Variants in CD84 observed in about 807,000 individuals in gnomAD.
CD84 encodes SLAM family member 5.
CD84 carries 22 observed loss-of-function variants against 33.8 expected under a neutral mutation model. That is an observed-to-expected ratio of 0.65 (90% CI 0.46 to 0.93). The LOEUF (loss-of-function observed/expected upper bound fraction) is 0.93. CD84 is among the 40% of genes least tolerant of loss of function. The probability of loss-of-function intolerance (pLI) is 0.00; values close to 1 mark genes in which losing one functional copy is unlikely to be tolerated. For missense variants in CD84, 400 were observed against 397.6 expected (o/e 1.01, Z -0.05); for synonymous variants, 154 against 145.2 (o/e 1.06, Z -0.44).
intron 2 of CD84, among the ~76,000 whole-genome samples, 193 bp downstream of exon 2, chr1:160,565,211 A>T (rs932017308): frequency 2.0e-5 from 3 of 152,162 alleles, no homozygotes; most frequent in African/African-American, 7.2e-5. Flanking sequence ...GAAGAATTAC[A>T]TAGCTAAAAA....
In CD84 at chr1:160,547,076, A is replaced by C; in HGVS notation, c.*1180T>G. ...TGAATGTCTTGCTCAGTTGTGAATG[A>C]TTCTTCCTCATTGAGGAGAGTTAAT... On this transcript the variant is annotated 3_prime_UTR_variant, in exon 7 of 7. Transcript: ENST00000368054. 1 of 398,846 alleles carries C rather than the reference A, an allele frequency of 2.5e-6. No individual in the cohort carries two copies. The highest frequency in any genetic ancestry group is 4.4e-6 in the Non-Finnish European group (1 of 226,050). The allele number at this position is 398,846 out of a possible 1,614,324, so 24.7% of individuals were successfully genotyped here.
intron 3 of CD84, 27 bp downstream of exon 3, chr1:160,553,868 C>T (rs1656413860): frequency 6.2e-7 from 1 of 1,613,978 alleles, no homozygotes; most frequent in Admixed American, 1.7e-5. Context: ...CTGAGACTCA[C>T]CAGGAGAGAT....
rs777046792 is a variant in CD84, at chr1:160,543,873, G to A, written c.*4383C>T. 6.6e-6 allele frequency: 1 copy of A among 152,032 alleles called. No homozygotes were observed. Among genetic ancestry groups the A allele is most frequent in the Non-Finnish European group, 1.5e-5 (1 of 68,014 alleles). 9.4% of individuals were successfully genotyped at this position (152,032 alleles called of 1,614,324 possible). On this transcript the variant is annotated 3_prime_UTR_variant, in exon 7 of 7. Transcript: ENST00000368054. ...GCATCTTCTGAAGATTTCAGGCCTA[G>A]AACAGCTTATAAAAAATTTCCCGAA...
chr1:160,565,871 C>CT lies in CD84; in HGVS notation c.47-127_47-126insA, dbSNP rs1557980535. 14 of 708,086 alleles carry CT rather than the reference C, an allele frequency of 2.0e-5. No individual in the cohort carries two copies. The African/African-American group carries it at 2.5e-4, about 12-fold the overall frequency. The allele number at this position is 708,086 out of a possible 1,614,324, so 43.9% of individuals were successfully genotyped here. On this transcript the variant is annotated intron_variant, in intron 1 of 6. Coordinates refer to ENST00000368054, the MANE Select transcript of CD84 (RefSeq NM_003874.4). ...CAGTTCACCCAGTTTCTTGAGGATG[C>CT]CTTTTTTTTTTTTTGGCATTCTACT...
intron 2 of CD84, among the ~76,000 whole-genome samples, chr1:160,558,049 C>T (rs979980034): frequency 1.3e-5 from 2 of 152,236 alleles, no homozygotes; most frequent in Non-Finnish European, 2.9e-5. Flanking sequence ...TCAGCTGTTC[C>T]AGCCTGCTGG....
Position 160,565,603 on chromosome 1 carries a change from T to A in CD84, c.189A>T (p.Val63=), listed in dbSNP as rs896760201. 3.7e-6 allele frequency: 6 copies of A among 1,613,898 alleles called. No homozygotes were observed. In the African/African-American group the frequency reaches 8.0e-5, roughly 22 times the overall value. Residue 63 remains valine (V), a synonymous_variant, in exon 2 of 7, where the codon GTA becomes GTT. Transcript: ENST00000368054. ...AWTSKTSVAY[V]TPGDSETAPV... ...GTGCTGTTTCTGAGTCTCCTGGTGT[T>A]ACATAAGCAACAGATGTTTTAGAAG...
chr1:160,576,715 C>G (rs964397099), intron 1 of CD84, among the ~76,000 whole-genome samples: 1 of 152,116 alleles, frequency 6.6e-6, no homozygotes, highest in African/African-American at 2.4e-5. Flanking sequence ...GGTTAAGTGG[C>G]CTTTGACTCT....
At chr1:160,553,181 G>T in intron 4 of CD84, 197 bp downstream of exon 4, 2 of 862,316 alleles carry the variant, frequency 2.3e-6, no homozygotes, top group Non-Finnish European at 1.9e-6. Context: ...GTGATCTCAG[G>T]AATGGATTCT....
At chr1:160,558,988 G>A (rs755635749) in intron 2 of CD84, among the ~76,000 whole-genome samples, 2 of 152,170 alleles carry the variant, frequency 1.3e-5, no homozygotes, top group Non-Finnish European at 2.9e-5. Context: ...TATGTATAGA[G>A]ACCAAACCTA....
In CD84 at chr1:160,553,291, C is replaced by T. The variant is rs182189531; in HGVS notation, c.760+87G>A. Reference sequence around the variant, plus strand: ...AAGGCAGATTCCCTGGAACAATGGGCCTTTCAGCTAAACCTTGGATAAATG... The same window carrying T: ...AAGGCAGATTCCCTGGAACAATGGGTCTTTCAGCTAAACCTTGGATAAATG... On this transcript the variant is annotated intron_variant, in intron 4 of 6. Transcript: ENST00000368054. The T allele has an allele frequency of 1.6e-5, 25 of 1,608,310 alleles. No homozygotes were observed. In the Admixed American group the frequency reaches 2.2e-4, roughly 14 times the overall value.
chr1:160,578,170 G>A (rs911746290), intron 1 of CD84, among the ~76,000 whole-genome samples: 5 of 152,136 alleles, frequency 3.3e-5, no homozygotes, highest in African/African-American at 7.2e-5. Flanking sequence ...TGCATAATGG[G>A]ATTAATAACG....
At chr1:160,557,142 G>T (rs975813583) in intron 2 of CD84, among the ~76,000 whole-genome samples, 2 of 152,038 alleles carry the variant, frequency 1.3e-5, no homozygotes, top group South Asian at 4.1e-4. Flanking sequence ...CATCAATTAC[G>T]ATCTACATTC....
rs2102118543 is a variant in CD84, at chr1:160,547,948, A to T, written c.*308T>A. On this transcript the variant is annotated 3_prime_UTR_variant, in exon 7 of 7. Transcript: ENST00000368054. ...CAGAAGTGAGCAATCTTGCTTGTTTATCCCAGTGTGCCATAAAAATATTAT... is the reference window on the plus strand; with the variant it reads ...CAGAAGTGAGCAATCTTGCTTGTTTTTCCCAGTGTGCCATAAAAATATTAT... The T allele has an allele frequency of 2.7e-6, 1 of 372,056 alleles. No individual in the cohort carries two copies. The highest frequency in any genetic ancestry group is 2.1e-5 in the African/African-American group (1 of 48,184). 23.0% of individuals were successfully genotyped at this position (372,056 alleles called of 1,614,324 possible).
intron 5 of CD84, 71 bp downstream of exon 5, chr1:160,550,867 G>A (rs920518839): frequency 1.9e-6 from 3 of 1,604,578 alleles, no homozygotes; most frequent in East Asian, 2.2e-5. Context: ...ACAAGCAGAG[G>A]CAATGGCTGC....
At position 160,547,438 on chromosome 1, in the gene CD84, A is replaced by G; in HGVS notation, c.*818T>C. ...ATCTTGGCCAGAAAGAAAATCCTAT[A>G]AGGCTTCTGAAGTAGCACTCCAAGA... On this transcript the variant is annotated 3_prime_UTR_variant, in exon 7 of 7. Transcript: ENST00000368054. The G allele has an allele frequency of 2.8e-6, 1 of 362,224 alleles. No homozygotes were observed. Among genetic ancestry groups the G allele is most frequent in the Non-Finnish European group, 4.9e-6 (1 of 203,666 alleles). The allele number at this position is 362,224 out of a possible 1,614,324, so 22.4% of individuals were successfully genotyped here. A position where few individuals can be genotyped will look rare whatever the true frequency, so the allele number is the denominator to read the frequency against.
rs780993109 is a variant in CD84, at chr1:160,550,920, T to C, written c.858+18A>G. The C allele has an allele frequency of 5.6e-6, 9 of 1,610,984 alleles. No individual in the cohort carries two copies. Among genetic ancestry groups the C allele is most frequent in the Middle Eastern group, 1.6e-4 (1 of 6,072 alleles). ...GGAGATGGTGGCACAGGGGTGTCCA[T>C]GAATTGCATCAGCTCACCTTGGACT... On this transcript the variant is annotated intron_variant, in intron 5 of 6. Transcript: ENST00000368054.
In CD84 at chr1:160,550,982, GGGTGTTCCTTGAA is replaced by G; in HGVS notation, c.801_813del (p.Arg269GlnfsTer23). On this transcript the variant is annotated frameshift_variant, in exon 5 of 7. Coordinates refer to ENST00000368054, the MANE Select transcript of CD84 (RefSeq NM_003874.4). LOFTEE classifies it high-confidence loss of function. ...TCATAGATTCTGGACTCTGCTGGCT[GGGTGTTCCTTGAA>G]GCCATGATATATGTGTATATGGTTT... is the stretch of plus-strand genomic sequence containing the variant. 2 of 1,614,104 alleles carry G rather than the reference GGGTGTTCCTTGAA, an allele frequency of 1.2e-6. No individual in the cohort carries two copies. Among genetic ancestry groups the G allele is most frequent in the Non-Finnish European group, 1.7e-6 (2 of 1,179,976 alleles).
intron 1 of CD84, among the ~76,000 whole-genome samples, chr1:160,567,141 C>A (rs926065136): frequency 1.3e-5 from 2 of 152,182 alleles, no homozygotes; most frequent in Non-Finnish European, 2.9e-5. Flanking sequence ...TGCATGTAGG[C>A]TCTGATGACC....
chr1:160,560,716 T>C (rs1656896450), intron 2 of CD84, among the ~76,000 whole-genome samples: 1 of 151,830 alleles, frequency 6.6e-6, no homozygotes, highest in African/African-American at 2.4e-5. Context: ...GTTGGCTTTT[T>C]GAAAAAATGA....
Sources: gnomAD v4.1 joint callset for allele counts (sites outside exome capture counted in the v4.1 genomes callset) on GRCh38, gnomAD v4.1.1 for gene constraint, MANE v1.5 for transcripts, NCBI Gene and HGNC (gene_info 2026-07-23, HGNC 2026-07-21) for gene names.